The following DMKN variants were observed in gnomAD, a reference collection of about 807,000 sequenced individuals.
DMKN encodes epidermis-specific secreted protein SK30/SK89.
In DMKN, 58 loss-of-function variants were observed where a neutral mutation model predicts 67.6. The ratio of observed to expected loss-of-function variants is 0.86; its 90% confidence interval spans 0.69 to 1.07. The LOEUF is 1.07. Ranked by LOEUF, DMKN falls within the 50% of genes least tolerant of loss-of-function variation. The pLI is 0.00. For synonymous variants in DMKN, 240 were observed against 232.3 expected (o/e 1.03, Z -0.30); for missense variants, 596 against 601.5 (o/e 0.99, Z 0.10).
chr19:35,511,861 C>T lies in DMKN; in HGVS notation c.685-48G>A, dbSNP rs537881215. 2.0e-5 allele frequency: 32 copies of T among 1,577,932 alleles called. No individual in the cohort carries two copies. The South Asian group carries it at 3.0e-4, about 15-fold the overall frequency. ...AGTTTGGGGACGGTGAGTTTGGAGA[C>T]GTTGGCCTCGGCCATGGACACAGGC... On this transcript the variant is annotated intron_variant, in intron 3 of 15. Coordinates refer to ENST00000339686, the MANE Select transcript of DMKN (RefSeq NM_033317.5).
chr19:35,506,772 G>A (rs1191785322), intron 7 of DMKN: 1 of 283,446 alleles, frequency 3.5e-6, no homozygotes, highest in Admixed American at 4.3e-5. Context: ...CCAGCACTTT[G>A]AGAGGCCGAG....
intron 7 of DMKN, chr19:35,506,428 C>T: frequency 3.1e-6 from 2 of 648,862 alleles, no homozygotes; most frequent in South Asian, 3.1e-5. Context: ...AGACTCTTGC[C>T]TCCATCCTGG....
chr19:35,511,570 GC>G lies in DMKN; in HGVS notation c.758del (p.Gly253AlafsTer124). 1 of 1,611,252 alleles carries G rather than the reference GC, an allele frequency of 6.2e-7. No individual in the cohort carries two copies. Among genetic ancestry groups the G allele is most frequent in the Non-Finnish European group, 8.5e-7 (1 of 1,179,652 alleles). ...CACCATTGCTGCCACTGCCACTGCT[GC>G]CCGACTGTGAGCCGCTGCCTCCCTG... ...NSGGGSGSQSGSSGSGSNGDN... is the reference protein window; with the variant it reads ...NSGGGSGSQSXSSGSGSNGDN... On this transcript the variant is annotated frameshift_variant, in exon 5 of 16. Transcript: ENST00000339686. LOFTEE classifies it high-confidence loss of function.
intron 5 of DMKN, 120 bp downstream of exon 5, chr19:35,511,291 A>G: frequency 1.3e-6 from 2 of 1,538,758 alleles, no homozygotes; most frequent in Non-Finnish European, 1.8e-6. Context: ...GGTGACGACT[A>G]TCAGCGAGGC....
Position 35,512,741 on chromosome 19 carries a change from C to T in DMKN, c.476G>A (p.Gly159Asp), listed in dbSNP as rs748567447. The change falls in exon 2 of 16, where the codon GGC (glycine) becomes GAC (aspartate). Residue 159 changes from glycine to aspartate, a missense_variant. By Grantham distance (94) the Gly-to-Asp change is moderately conservative. Coordinates refer to ENST00000339686, the MANE Select transcript of DMKN (RefSeq NM_033317.5). ...ACCTCCAGGATTGCCCTGGCCCTGG[C>T]CTCCAAGGCCACCTTGAGAGCCAAA... is the stretch of plus-strand genomic sequence containing the variant. ...GIFGSQGGLG[G>D]QGQGNPGGLG... 2 of 1,613,990 alleles carry T rather than the reference C, an allele frequency of 1.2e-6. No individual in the cohort carries two copies. The highest frequency in any genetic ancestry group is 2.2e-5 in the South Asian group (2 of 91,094).
intron 12 of DMKN, 184 bp from the exon 13 acceptor site, chr19:35,500,213 G>T: frequency 8.4e-7 from 1 of 1,193,550 alleles, no homozygotes; most frequent in Non-Finnish European, 1.2e-6. Flanking sequence ...ACCCTCACCT[G>T]CCTTTACTGT....
intron 5 of DMKN, 98 bp downstream of exon 5, chr19:35,511,313 G>C (rs1270838771): frequency 1.5e-5 from 24 of 1,573,416 alleles, no homozygotes; most frequent in Non-Finnish European, 2.0e-5. Flanking sequence ...GCCCATCCTC[G>C]GGCAGCGGCA....
At chr19:35,499,805 G>A in intron 13 of DMKN, 153 bp downstream of exon 13, 1 of 715,568 alleles carries the variant, frequency 1.4e-6, no homozygotes, top group Non-Finnish European at 2.3e-6. Flanking sequence ...GGGAACCCGA[G>A]TCTCCCTTGC....
chr19:35,503,262 T>C (rs2068740006), intron 9 of DMKN: 10 of 1,473,966 alleles, frequency 6.8e-6, no homozygotes, highest in Non-Finnish European at 8.1e-6. Context: ...CACACCACCC[T>C]GGATAACAGC....
intron 7 of DMKN, among the ~76,000 whole-genome samples, chr19:35,509,268 A>C (rs966692290): frequency 3.4e-5 from 4 of 118,584 alleles, no homozygotes; most frequent in Non-Finnish European, 6.6e-5. Context: ...AATGGGAAGA[A>C]ATTTTTTTTT....
chr19:35,510,110 C>G (rs1329575758), intron 6 of DMKN, 74 bp downstream of exon 6: 33 of 1,562,926 alleles, frequency 2.1e-5, no homozygotes, highest in Non-Finnish European at 2.4e-5. Context: ...CTTGGCTCCC[C>G]GATCCTGCGA....
rs761196846 is a variant in DMKN at position 35,499,965 on chromosome 19, G to A, written c.1352C>T (p.Pro451Leu). Residue 451 changes from proline (P) to leucine (L), a missense_variant, in exon 13 of 16, where the codon CCT becomes CTT. Transcript: ENST00000339686. ...AYGGKYSVKT[P>L]AKGGVSPSSS... ...GGTGGTTGCCGGTCTCACCTTTGCA[G>A]GGGTCTTGACTGAGTACTTCCCACC... 8.1e-6 allele frequency: 13 copies of A among 1,614,168 alleles called. 1 individual carries two copies. Among genetic ancestry groups the A allele is most frequent in the Middle Eastern group, 3.3e-4 (2 of 6,062 alleles).
At chr19:35,512,363 G>T (rs2070991723) in intron 3 of DMKN, 58 bp downstream of exon 3, 5 of 1,588,148 alleles carry the variant, frequency 3.1e-6, no homozygotes, top group Non-Finnish European at 4.3e-6. Flanking sequence ...TCTTTCCCCA[G>T]CTCTCTGTAG....
chr19:35,512,743 TC>T lies in DMKN; in HGVS notation c.473del (p.Gly158GlufsTer29), dbSNP rs1410711409. ...CTCCAGGATTGCCCTGGCCCTGGCC[TC>T]CAAGGCCACCTTGAGAGCCAAAGAT... The part of the protein sequence containing the change: ...HGIFGSQGGL[G>X]GQGQGNPGGL... On this transcript the variant is annotated frameshift_variant, in exon 2 of 16. Coordinates refer to ENST00000339686, the MANE Select transcript of DMKN (RefSeq NM_033317.5). LOFTEE classifies it high-confidence loss of function. 3.7e-6 allele frequency: 6 copies of T among 1,614,088 alleles called. No individual in the cohort carries two copies. Among genetic ancestry groups the T allele is most frequent in the Non-Finnish European group, 5.1e-6 (6 of 1,180,014 alleles).
intron 13 of DMKN, 55 bp from the exon 14 acceptor site, chr19:35,498,952 C>G (rs887616566): frequency 6.2e-7 from 1 of 1,613,682 alleles, no homozygotes; most frequent in Admixed American, 1.7e-5. Context: ...TGTACTCTGC[C>G]ATGGCCTCCA....
rs774499902 is a variant in DMKN, at chr19:35,509,892, AAG to A, written c.1038+17_1038+18del. The A allele has an allele frequency of 6.2e-7, 1 of 1,614,110 alleles. No homozygotes were observed. The highest frequency in any genetic ancestry group is 1.1e-5 in the South Asian group (1 of 91,074). On this transcript the variant is annotated intron_variant, in intron 7 of 15. Transcript: ENST00000339686. ...AGGAACTGCAGTCCCCAGGAGACTT[AAG>A]AGACTTTGGCTCTCACCTGAATCCC...
At chr19:35,500,285 C>G in intron 12 of DMKN, 1 of 1,489,392 alleles carries the variant, frequency 6.7e-7, no homozygotes, top group Non-Finnish European at 9.1e-7. Flanking sequence ...AGACCTCTGC[C>G]AACTCTTCAA....
chr19:35,503,018 G>T, intron 9 of DMKN, 132 bp from the exon 10 acceptor site: 1 of 1,064,976 alleles, frequency 9.4e-7, no homozygotes, highest in Non-Finnish European at 1.3e-6. Flanking sequence ...GGAGCTGAGA[G>T]TCTTTAGGGA....
At chr19:35,498,993 G>T in intron 13 of DMKN, 96 bp from the exon 14 acceptor site, 1 of 1,576,318 alleles carries the variant, frequency 6.3e-7, no homozygotes, top group Non-Finnish European at 8.7e-7. Flanking sequence ...GCAAGGGCAG[G>T]CTCACACCAG....
Sources: gnomAD v4.1 joint callset for allele counts (sites outside exome capture counted in the v4.1 genomes callset) on GRCh38, gnomAD v4.1.1 for gene constraint, MANE v1.5 for transcripts, NCBI Gene and HGNC (gene_info 2026-07-23, HGNC 2026-07-21) for gene names.